Variants in ABI2 observed in about 807,000 individuals in gnomAD.
The protein encoded by ABI2 is abelson interactor 2.
In ABI2, 25 loss-of-function variants were observed where a neutral mutation model predicts 59.2. The ratio of observed to expected loss-of-function variants is 0.42; its 90% CI spans 0.31 to 0.59. The LOEUF is 0.59. Among genes scored for constraint, ABI2 ranks in the 20% least tolerant of loss-of-function variants. The pLI is 0.14. For missense variants in ABI2, 545 were observed against 681.8 expected (o/e 0.80, Z 2.23); for synonymous variants, 213 against 235.5 (o/e 0.90, Z 0.87).
intron 8 of ABI2, among the ~76,000 whole-genome samples, chr2:203,397,368 G>C (rs1291939290): frequency 6.6e-6 from 1 of 152,140 alleles, no homozygotes; most frequent in East Asian, 1.9e-4. Flanking sequence ...TACAACAAAT[G>C]GAAAGCCTCT....
chr2:203,389,391 T>A lies in ABI2; in HGVS notation c.481-1655T>A, dbSNP rs533736804. ...ATCACACACAACTTGTTCACTGGGC[T>A]ATTCATTTGAAGAATTTGTTTCTTG... On this transcript the variant is annotated intron_variant, in intron 4 of 11. Coordinates refer to ENST00000261018, the MANE Select transcript of ABI2 (RefSeq NM_001375670.1). Among the ~76,000 whole-genome samples the A allele has an allele frequency of 7.5e-4, 115 of 152,366 alleles. 2 individuals are homozygous for A. Among genetic ancestry groups the A allele is most frequent in the Non-Finnish European group, 7.2e-4 (49 of 68,022 alleles).
At chr2:203,374,062 G>C (rs1170160452) in intron 2 of ABI2, among the ~76,000 whole-genome samples, 3 of 152,198 alleles carry the variant, frequency 2.0e-5, no homozygotes, top group Non-Finnish European at 4.4e-5. Context: ...AGGAGGCTGA[G>C]GCGGGAGTAT....
intron 1 of ABI2, among the ~76,000 whole-genome samples, chr2:203,350,021 G>A (rs1423906604): frequency 6.6e-6 from 1 of 152,138 alleles, no homozygotes; most frequent in African/African-American, 2.4e-5. Flanking sequence ...CCATCAGTGT[G>A]TGAGCGTTCC....
At chr2:203,370,220 C>CTT (rs1286055030) in intron 2 of ABI2, among the ~76,000 whole-genome samples, 12 of 142,714 alleles carry the variant, frequency 8.4e-5, no homozygotes, top group African/African-American at 3.3e-4. Context: ...CTCTCTCTCT[C>CTT]TCTCTCTTTC....
rs1327256878 is a variant in ABI2 at position 203,378,177 on chromosome 2, ATC to A, written c.286-2028_286-2027del. On this transcript the variant is annotated intron_variant, in intron 2 of 11. Transcript: ENST00000261018. ...GCCCAGGCTGGAGTGCAGTGGCACA[ATC>A]TCGGCTCATTGCAAGCTCTGCCTCC... Among the ~76,000 whole-genome samples the A allele has an allele frequency of 3.3e-5, 5 of 151,110 alleles. No homozygotes were observed. In the East Asian group the frequency reaches 9.8e-4, roughly 30 times the overall value.
At position 203,410,963 on chromosome 2, in the gene ABI2, A is replaced by G. The variant is rs541385074; in HGVS notation, c.1193-322A>G. Among the ~76,000 whole-genome samples, 13 of 150,758 alleles carry G rather than the reference A, an allele frequency of 8.6e-5. No individual in the cohort carries two copies. The South Asian group carries it at 2.7e-3, about 31-fold the overall frequency. ...AAAAAAGATCAATTATATATAATAT[A>G]TATATAAAACATGATTGTTATATAT... On this transcript the variant is annotated intron_variant, in intron 9 of 11. Coordinates refer to ENST00000261018, the MANE Select transcript of ABI2 (RefSeq NM_001375670.1).
intron 1 of ABI2, among the ~76,000 whole-genome samples, chr2:203,339,405 C>T (rs570047510): frequency 6.6e-6 from 1 of 151,650 alleles, no homozygotes. Flanking sequence ...TATGGTGAAA[C>T]CCTGTTTCTC....
intron 2 of ABI2, chr2:203,374,762 A>G (rs1048366512): frequency 9.4e-6 from 4 of 426,914 alleles, no homozygotes; most frequent in Middle Eastern, 3.3e-4. Flanking sequence ...AAAAATTGAG[A>G]CATATTTAAA....
At chr2:203,368,438 A>T (rs763952023) in intron 2 of ABI2, among the ~76,000 whole-genome samples, 3 of 152,064 alleles carry the variant, frequency 2.0e-5, no homozygotes, top group Admixed American at 1.3e-4. Context: ...TATTATTATT[A>T]TTTTTAATGT....
chr2:203,369,615 A>G (rs946248039), intron 2 of ABI2, among the ~76,000 whole-genome samples: 1 of 152,166 alleles, frequency 6.6e-6, no homozygotes, highest in Non-Finnish European at 1.5e-5. Context: ...ATCTTAATGG[A>G]TTAAGTAAAA....
chr2:203,335,254 T>G (rs1224233866), intron 1 of ABI2, among the ~76,000 whole-genome samples: 1 of 152,174 alleles, frequency 6.6e-6, no homozygotes, highest in Non-Finnish European at 1.5e-5. Flanking sequence ...TTTATTTTAT[T>G]ACTTTATTTT....
chr2:203,349,869 T>A (rs1191282026), intron 1 of ABI2, among the ~76,000 whole-genome samples: 1 of 152,088 alleles, frequency 6.6e-6, no homozygotes, highest in Non-Finnish European at 1.5e-5. Context: ...CATGTACAAG[T>A]TTTTGTGTGG....
At chr2:203,415,706 A>T (rs1046601718) in intron 10 of ABI2, among the ~76,000 whole-genome samples, 6 of 151,856 alleles carry the variant, frequency 4.0e-5, no homozygotes, top group African/African-American at 9.7e-5. Context: ...TTGCTCAGAG[A>T]GTCACATGGG....
chr2:203,400,030 T>A (rs1479914399), intron 8 of ABI2, among the ~76,000 whole-genome samples: 2 of 151,694 alleles, frequency 1.3e-5, no homozygotes, highest in East Asian at 1.9e-4. Flanking sequence ...GTATATATAT[T>A]TTTAAAACCC....
chr2:203,427,416 C>CT lies in ABI2; in HGVS notation c.*65dup. 3 of 1,410,908 alleles carry CT rather than the reference C, an allele frequency of 2.1e-6. No individual in the cohort carries two copies. The highest frequency in any genetic ancestry group is 2.9e-6 in the Non-Finnish European group (3 of 1,031,034). The allele number at this position is 1,410,908 out of a possible 1,614,324, so 87.4% of individuals were successfully genotyped here. On this transcript the variant is annotated 3_prime_UTR_variant, in exon 12 of 12. Transcript: ENST00000261018. ...GGTCTTCCCAGATTATCTGAAGGCC[C>CT]TGGGGATTCCACTCCAGTAAAGTAG... is the stretch of plus-strand genomic sequence containing the variant.
chr2:203,384,748 A>G (rs544931726), intron 4 of ABI2, among the ~76,000 whole-genome samples: 7 of 152,096 alleles, frequency 4.6e-5, no homozygotes, highest in Non-Finnish European at 8.8e-5. Flanking sequence ...AAATAAGCAT[A>G]TTAGTTTAAT....
chr2:203,358,149 C>G (rs1179021757), intron 1 of ABI2, among the ~76,000 whole-genome samples: 2 of 149,918 alleles, frequency 1.3e-5, no homozygotes, highest in Non-Finnish European at 3.0e-5. Context: ...CAGGGCCTTG[C>G]TCTGTTGACC....
At chr2:203,384,247 T>C (rs974592937) in intron 4 of ABI2, among the ~76,000 whole-genome samples, 1 of 151,794 alleles carries the variant, frequency 6.6e-6, no homozygotes, top group African/African-American at 2.4e-5. Context: ...AAGTGGAATG[T>C]ACCTTGAACT....
At chr2:203,348,907 G>A (rs184197398) in intron 1 of ABI2, among the ~76,000 whole-genome samples, 1 of 150,192 alleles carries the variant, frequency 6.7e-6, no homozygotes, top group Non-Finnish European at 1.5e-5. Context: ...TGCTGAAGGT[G>A]TTTTTTTTTG....
Sources: gnomAD v4.1 joint callset for allele counts (sites outside exome capture counted in the v4.1 genomes callset) on GRCh38, gnomAD v4.1.1 for gene constraint, MANE v1.5 for transcripts, NCBI Gene and HGNC (gene_info 2026-07-23, HGNC 2026-07-21) for gene names.